The following ATP11C variants were observed in gnomAD, a reference collection of about 807,000 sequenced individuals.
The protein encoded by ATP11C is phospholipid-transporting ATPase IG.
A neutral mutation model predicts 97.4 loss-of-function variants in ATP11C; 36 were observed. That is an observed-to-expected ratio of 0.37 (90% confidence interval 0.28 to 0.49). The LOEUF (loss-of-function observed/expected upper bound fraction) is 0.49. Among genes scored for constraint, ATP11C ranks in the 20% least tolerant of loss-of-function variants. ATP11C has a pLI of 0.98. For missense variants in ATP11C, 730 were observed against 824.6 expected (o/e 0.89, Z 1.40); for synonymous variants, 275 against 290.9 (o/e 0.95, Z 0.56).
intron 1 of ATP11C, among the ~76,000 whole-genome samples, chrX:139,854,053 C>T (rs1322081009): frequency 9.0e-6 from 1 of 111,415 alleles, no homozygotes; most frequent in Non-Finnish European, 1.9e-5. Context: ...ATAGATGGTT[C>T]CTCCCAGGTG....
At chrX:139,779,787 C>A (rs1389299100) in intron 18 of ATP11C, among the ~76,000 whole-genome samples, 2 of 110,527 alleles carry the variant, frequency 1.8e-5, no homozygotes, top group Non-Finnish European at 3.8e-5. Flanking sequence ...ATCAATGAAA[C>A]AAAAATGAAA....
intron 16 of ATP11C, among the ~76,000 whole-genome samples, chrX:139,784,265 T>C (rs767300213): frequency 8.9e-6 from 1 of 111,889 alleles, no homozygotes; most frequent in East Asian, 2.8e-4. Context: ...ATTTGAAATG[T>C]TGTGTTTTTT....
intron 1 of ATP11C, among the ~76,000 whole-genome samples, chrX:139,858,005 T>C (rs190972143): frequency 8.9e-6 from 1 of 111,752 alleles, no homozygotes; most frequent in East Asian, 2.8e-4. Context: ...CCCTCATGAA[T>C]AGATTATTGT....
Position 139,787,179 on chromosome X carries a change from A to G in ATP11C, c.1586T>C (p.Ile529Thr), listed in dbSNP as rs1348946284. Residue 529 changes from isoleucine (I) to threonine (T), a missense_variant, in exon 15 of 30, where the codon ATA (isoleucine) becomes ACA (threonine). By Grantham distance (89) the Ile-to-Thr change is moderately conservative (BLOSUM62 -1). Coordinates refer to ENST00000682941, the MANE Select transcript of ATP11C (RefSeq NM_001353812.2). The part of the protein sequence containing the change: ...YMRVENQRKE[I>T]EEYELLHTLN... The stretch of plus-strand genomic sequence containing the variant: ...CAAACACAGAGCTACTTACTCTTCT[A>G]TTTCTTTTCTTTGGTTCTCTACTCT... 1.7e-6 allele frequency: 2 copies of G among 1,202,268 alleles called. No homozygotes were observed. The highest frequency in any genetic ancestry group is 2.2e-6 in the Non-Finnish European group (2 of 888,982).
chrX:139,793,249 T>C (rs904929717), intron 12 of ATP11C, among the ~76,000 whole-genome samples: 1 of 111,550 alleles, frequency 9.0e-6, no homozygotes, highest in African/African-American at 3.3e-5. Flanking sequence ...GAAACAATCA[T>C]GTTAATATTT....
At chrX:139,768,752 G>C (rs779708910) in intron 19 of ATP11C, among the ~76,000 whole-genome samples, 8 of 109,970 alleles carry the variant, frequency 7.3e-5, no homozygotes, top group Non-Finnish European at 1.5e-4. Context: ...TGGATGTGAT[G>C]AAAGTCCACA....
rs773070736 is a variant in ATP11C at position 139,787,307 on chromosome X, A to AT, written c.1521-64dup. ...AAGAATGATTAATTTTTTTATTATT[A>AT]TTTTTTTTGAGACAGAGTCTCGCTC... On this transcript the variant is annotated intron_variant, in intron 14 of 29. Coordinates refer to ENST00000682941, the MANE Select transcript of ATP11C (RefSeq NM_001353812.2). 9.5e-5 allele frequency: 92 copies of AT among 963,622 alleles called. No individual in the cohort carries two copies. In the East Asian group the frequency reaches 1.9e-3, roughly 19 times the overall value. The allele number at this position is 963,622 out of a possible 1,213,427, so 79.4% of individuals were successfully genotyped here. A position where few individuals can be genotyped will look rare whatever the true frequency, so the allele number is the denominator to read the frequency against.
intron 20 of ATP11C, among the ~76,000 whole-genome samples, chrX:139,765,485 A>G (rs1433237633): frequency 8.9e-6 from 1 of 112,262 alleles, no homozygotes; most frequent in African/African-American, 3.2e-5. Context: ...CTAGGATGTC[A>G]GAGAAGGGAG....
At chrX:139,861,648 C>T (rs775428151) in intron 1 of ATP11C, among the ~76,000 whole-genome samples, 4 of 110,418 alleles carry the variant, frequency 3.6e-5, no homozygotes, top group Non-Finnish European at 5.7e-5. Context: ...TAAAAAGGAG[C>T]GAAGCCAAAA....
chrX:139,840,678 G>T (rs2083815031), intron 1 of ATP11C, among the ~76,000 whole-genome samples: 1 of 111,958 alleles, frequency 8.9e-6, no homozygotes, highest in African/African-American at 3.2e-5. Flanking sequence ...GTGTACCATG[G>T]AACAGAGGCT....
At chrX:139,730,229 C>A (rs373328296) in intron 29 of ATP11C, among the ~76,000 whole-genome samples, 1 of 111,564 alleles carries the variant, frequency 9.0e-6, no homozygotes, top group Non-Finnish European at 1.9e-5. Context: ...CCAAAAGCAA[C>A]AGCAGTGTCT....
At chrX:139,790,550 A>G (rs1356460819) in intron 12 of ATP11C, among the ~76,000 whole-genome samples, 3 of 111,195 alleles carry the variant, frequency 2.7e-5, no homozygotes, top group African/African-American at 3.3e-5. Flanking sequence ...TTTTTTCCCA[A>G]TAAATTAAAT....
At chrX:139,893,179 C>G (rs760614915) in intron 1 of ATP11C, among the ~76,000 whole-genome samples, 1 of 111,663 alleles carries the variant, frequency 9.0e-6, no homozygotes, top group African/African-American at 3.3e-5. Flanking sequence ...GCTGGGACTA[C>G]AGAAGCGTGC....
At chrX:139,895,271 G>C (rs1569487671) in intron 1 of ATP11C, among the ~76,000 whole-genome samples, 2 of 108,895 alleles carry the variant, frequency 1.8e-5, no homozygotes. Context: ...TTTAGAATAA[G>C]TTTTTTTTTT....
At position 139,768,420 on chromosome X, in the gene ATP11C, T is replaced by C; in HGVS notation, c.2231A>G (p.His744Arg). 8.9e-7 allele frequency: 1 copy of C among 1,124,756 alleles called. No individual in the cohort carries two copies. Among genetic ancestry groups the C allele is most frequent in the Non-Finnish European group, 1.2e-6 (1 of 846,993 alleles). 92.7% of individuals were successfully genotyped at this position (1,124,756 alleles called of 1,213,427 possible). A position where few individuals can be genotyped will look rare whatever the true frequency, so the allele number is the denominator to read the frequency against. The change falls in exon 20 of 30, where the codon CAT (histidine) becomes CGT (arginine). Residue 744 changes from histidine (H) to arginine (R), a missense_variant. Physicochemically the swap from His to Arg is conservative, Grantham distance 29 (BLOSUM62 0). Coordinates refer to ENST00000682941, the MANE Select transcript of ATP11C (RefSeq NM_001353812.2). ...ATCTATGATTAATCCATATTCCTGA[T>C]GTTCTGTCCATGCTCTGAAAAAGAG... ...TRSFKKAWTE[H>R]QEYGLIIDGS...
chrX:139,804,292 C>G (rs967372965), intron 6 of ATP11C, among the ~76,000 whole-genome samples, 179 bp downstream of exon 6: 2 of 111,163 alleles, frequency 1.8e-5, no homozygotes, highest in African/African-American at 6.6e-5. Context: ...CACCCTTTTA[C>G]CCAAACACGA....
At chrX:139,820,609 A>G (rs2083388210) in intron 2 of ATP11C, among the ~76,000 whole-genome samples, 1 of 109,181 alleles carries the variant, frequency 9.2e-6, no homozygotes, top group Non-Finnish European at 1.9e-5. Context: ...TTTCATTTTA[A>G]TCAATAACAT....
At chrX:139,806,079 A>G (rs1315486253) in intron 5 of ATP11C, among the ~76,000 whole-genome samples, 3 of 111,796 alleles carry the variant, frequency 2.7e-5, no homozygotes, top group African/African-American at 9.8e-5. Context: ...ATTGATAAAT[A>G]AAACACACAA....
rs1259441046 is a variant in ATP11C at position 139,908,914 on chromosome X, C to T, written c.27+23102G>A. 4.5e-5 allele frequency among the ~76,000 whole-genome samples: 5 copies of T among 111,896 alleles called. No homozygotes were observed. In the Admixed American group the frequency reaches 4.8e-4, roughly 11 times the overall value. On this transcript the variant is annotated intron_variant, in intron 1 of 29. Coordinates refer to ENST00000682941, the MANE Select transcript of ATP11C (RefSeq NM_001353812.2). ...TAATTTAAAATAAATGATTATTATACTTTAGGACCATGCCAACTGGCCTCC... is the reference window on the plus strand; with the variant it reads ...TAATTTAAAATAAATGATTATTATATTTTAGGACCATGCCAACTGGCCTCC...
Sources: allele counts gnomAD v4.1 joint callset (sites outside exome capture counted in the v4.1 genomes callset), GRCh38; gene constraint gnomAD v4.1.1; transcripts MANE v1.5; gene names NCBI Gene and HGNC (gene_info 2026-07-23, HGNC 2026-07-21).